Variants in MANEA observed in about 807,000 individuals in gnomAD.
The protein encoded by MANEA is glycoprotein endo-alpha-1,2-mannosidase.
In MANEA, 25 loss-of-function variants were observed where a neutral mutation model predicts 36.8. That is an observed-to-expected ratio of 0.68 (90% confidence interval 0.50 to 0.95). MANEA has a LOEUF of 0.95. MANEA is among the 40% of genes least tolerant of loss of function. The pLI is 0.00. For missense variants in MANEA, 565 were observed against 558.8 expected (o/e 1.01, Z -0.11); for synonymous variants, 198 against 188.5 (o/e 1.05, Z -0.41).
chr6:95,595,705 A>G (rs1005915435), intron 2 of MANEA, among the ~76,000 whole-genome samples: 2 of 152,108 alleles, frequency 1.3e-5, no homozygotes, highest in East Asian at 1.9e-4. Flanking sequence ...ATTTCTTTGT[A>G]TACGTAATGA....
At chr6:95,588,066 T>A (rs1371416842) in intron 2 of MANEA, among the ~76,000 whole-genome samples, 1 of 152,042 alleles carries the variant, frequency 6.6e-6, no homozygotes, top group African/African-American at 2.4e-5. Context: ...CAATTACATA[T>A]ATTTAGATAG....
rs369394365 is a variant in MANEA, at chr6:95,606,136, C to T, written c.1120C>T (p.Arg374Trp). 1.4e-5 allele frequency: 23 copies of T among 1,614,032 alleles called. No individual in the cohort carries two copies. Among genetic ancestry groups the T allele is most frequent in the Middle Eastern group, 1.6e-4 (1 of 6,062 alleles). ...SIRPWNTQNT[R>W]NRINGKYYEI... The stretch of plus-strand genomic sequence containing the variant: ...CCGTCCATGGAACACGCAAAACACT[C>T]GGAACCGAATCAATGGGAAGTATTA... The change falls in exon 5 of 5, where the codon CGG (arginine) becomes TGG (tryptophan). Residue 374 changes from arginine to tryptophan, a missense_variant. Transcript: ENST00000358812.
chr6:95,604,056 A>AGGGGTGTGTGTGTG (rs1318756717), intron 3 of MANEA, among the ~76,000 whole-genome samples: 28 of 58,532 alleles, frequency 4.8e-4, no homozygotes, highest in Admixed American at 3.1e-3. Flanking sequence ...GTATATATGT[A>AGGGGTGTGTGTGTG]TGTAGGTGTG....
At chr6:95,584,622 C>A (rs1769245953) in intron 1 of MANEA, among the ~76,000 whole-genome samples, 1 of 152,150 alleles carries the variant, frequency 6.6e-6, no homozygotes. Context: ...TCTCCTGTTT[C>A]CCCAGAAGCA....
In MANEA at chr6:95,606,671, TG is replaced by T. The variant is rs1554210750; in HGVS notation, c.*268del. ...GACTGAAATCAAAATTCTGATTTGA[TG>T]GCAATTGAATTTTCATTTTACAATA... On this transcript the variant is annotated 3_prime_UTR_variant, in exon 5 of 5. Transcript: ENST00000358812. 5.1e-6 allele frequency: 1 copy of T among 194,716 alleles called. No homozygotes were observed. The highest frequency in any genetic ancestry group is 1.0e-5 in the Non-Finnish European group (1 of 96,596). 12.1% of individuals were successfully genotyped at this position (194,716 alleles called of 1,614,324 possible). A position where few individuals can be genotyped will look rare whatever the true frequency, so the allele number is the denominator to read the frequency against.
At chr6:95,578,042 G>C (rs889833953) in intron 1 of MANEA, among the ~76,000 whole-genome samples, 2 of 152,162 alleles carry the variant, frequency 1.3e-5, no homozygotes, top group African/African-American at 4.8e-5. Flanking sequence ...TGTGCCCCCA[G>C]ACTGCCTCTG....
intron 2 of MANEA, among the ~76,000 whole-genome samples, chr6:95,595,110 G>A (rs1769459715): frequency 6.6e-6 from 1 of 152,080 alleles, no homozygotes; most frequent in Admixed American, 6.6e-5. Flanking sequence ...TAATTTTCAT[G>A]TGATTCATAG....
chr6:95,580,428 T>C (rs996650486), intron 1 of MANEA, among the ~76,000 whole-genome samples: 1 of 151,704 alleles, frequency 6.6e-6, no homozygotes, highest in African/African-American at 2.4e-5. Context: ...ATATAATACA[T>C]AAGGAATGAC....
intron 3 of MANEA, among the ~76,000 whole-genome samples, chr6:95,598,052 T>TC (rs1238147564): frequency 6.6e-6 from 1 of 151,872 alleles, no homozygotes; most frequent in African/African-American, 2.4e-5. Flanking sequence ...ATTAATTTTT[T>TC]TTGGTGCAGA....
At chr6:95,596,998 G>A in intron 3 of MANEA, 152 bp downstream of exon 3, 2 of 430,068 alleles carry the variant, frequency 4.7e-6, no homozygotes, top group South Asian at 6.0e-5. Context: ...TTCTATAATA[G>A]GAATTTCAAT....
chr6:95,606,337 A>G lies in MANEA; in HGVS notation c.1321A>G (p.Lys441Glu). 3 of 1,608,722 alleles carry G rather than the reference A, an allele frequency of 1.9e-6. No individual in the cohort carries two copies. The highest frequency in any genetic ancestry group is 2.5e-6 in the Non-Finnish European group (3 of 1,179,818). The change falls in exon 5 of 5, where the codon AAG (lysine) becomes GAG (glutamate). Residue 441 changes from lysine to glutamate, a missense_variant. Lys to Glu is a moderately conservative substitution (Grantham distance 56, BLOSUM62 1). Transcript: ENST00000358812. ...KPGLYLELTR[K>E]WSEKYSKERA... ...AGGTCTTTACCTAGAACTGACTCGCAAGTGGTCTGAAAAATACAGTAAGGA... is the reference window on the plus strand; with the variant it reads ...AGGTCTTTACCTAGAACTGACTCGCGAGTGGTCTGAAAAATACAGTAAGGA...
At chr6:95,590,041 T>C (rs1769360336) in intron 2 of MANEA, 1 of 152,164 alleles carries the variant, frequency 6.6e-6, no homozygotes, top group African/African-American at 2.4e-5. Context: ...TGGTAGCCTC[T>C]ACAAGCTTGA....
At chr6:95,590,211 G>C (rs1487591137) in intron 2 of MANEA, 2 of 152,178 alleles carry the variant, frequency 1.3e-5, no homozygotes, top group Non-Finnish European at 2.9e-5. Flanking sequence ...CTAAATTTGT[G>C]ATAGTTTGTT....
Position 95,586,946 on chromosome 6 carries a change from A to T in MANEA, c.507A>T (p.Ile169=), listed in dbSNP as rs1332851801. ...GSYSSRDPSV[I]ETHMRQMRSA... ...ACAGTTCTCGGGATCCTTCTGTCAT[A>T]GAAACTCACATGAGACAAATGCGCT... The change falls in exon 2 of 5, where the codon ATA becomes ATT. Residue 169 remains isoleucine, a synonymous_variant. Transcript: ENST00000358812. 6.2e-7 allele frequency: 1 copy of T among 1,612,286 alleles called. No homozygotes were observed. The highest frequency in any genetic ancestry group is 8.5e-7 in the Non-Finnish European group (1 of 1,178,876).
chr6:95,582,173 C>CTTTTTTTTT (rs67978183), intron 1 of MANEA, among the ~76,000 whole-genome samples: 2 of 79,386 alleles, frequency 2.5e-5, no homozygotes, highest in Non-Finnish European at 5.1e-5. Context: ...GTTGTATCAT[C>CTTTTTTTTT]TTTTTTTTTT....
At chr6:95,603,521 A>T (rs1250751043) in intron 3 of MANEA, among the ~76,000 whole-genome samples, 1 of 152,078 alleles carries the variant, frequency 6.6e-6, no homozygotes, top group Non-Finnish European at 1.5e-5. Flanking sequence ...TATTACTGTA[A>T]TCTCATTTAA....
chr6:95,594,148 G>C (rs1434438933), intron 2 of MANEA, among the ~76,000 whole-genome samples: 1 of 152,022 alleles, frequency 6.6e-6, no homozygotes, highest in Non-Finnish European at 1.5e-5. Flanking sequence ...GGAAAAATGT[G>C]AGGGAAAAAA....
intron 4 of MANEA, among the ~76,000 whole-genome samples, chr6:95,605,334 C>T (rs1280569663): frequency 6.6e-6 from 1 of 152,054 alleles, no homozygotes; most frequent in Middle Eastern, 3.2e-3. Flanking sequence ...ATACAGTTTT[C>T]ATTTTTTGAA....
chr6:95,603,466 A>C (rs1180940511), intron 3 of MANEA, among the ~76,000 whole-genome samples: 1 of 152,164 alleles, frequency 6.6e-6, no homozygotes, highest in Admixed American at 6.5e-5. Flanking sequence ...TGCTGCAAAA[A>C]TTAATTTGAC....
Sources: gnomAD v4.1 joint callset for allele counts (sites outside exome capture counted in the v4.1 genomes callset) on GRCh38, gnomAD v4.1.1 for gene constraint, MANE v1.5 for transcripts, NCBI Gene and HGNC (gene_info 2026-07-23, HGNC 2026-07-21) for gene names.